The following PRDM5 variants were observed in gnomAD, a reference collection of about 807,000 sequenced individuals.
PRDM5 encodes the protein PR domain zinc finger protein 5.
In PRDM5, 56 loss-of-function variants were observed where a neutral mutation model predicts 81.2. That is an observed-to-expected ratio of 0.69 (90% CI 0.56 to 0.86). PRDM5 has a LOEUF of 0.86. PRDM5 is among the 40% of genes least tolerant of loss of function. The probability of loss-of-function intolerance (pLI) is 0.00; values close to 1 mark genes in which losing one functional copy is unlikely to be tolerated. For missense variants in PRDM5, 697 were observed against 770.1 expected, an observed-to-expected ratio of 0.91 and a Z score of 1.12; for synonymous variants, 267 against 256.4, an observed-to-expected ratio of 1.04 and a Z score of -0.39.
At chr4:120,909,262 T>C (rs1430249145) in intron 1 of PRDM5, among the ~76,000 whole-genome samples, 3 of 152,180 alleles carry the variant, frequency 2.0e-5, no homozygotes, top group African/African-American at 7.2e-5. Flanking sequence ...GACAGCTGCA[T>C]GGTCCACTGC....
rs138869391 is a variant in PRDM5 at position 120,866,973 on chromosome 4, A to G, written c.178-13433T>C. On this transcript the variant is annotated intron_variant, in intron 2 of 15. Transcript: ENST00000264808. ...TTAAAGATATTAAAATGTGTAAAGG[A>G]TTTGACATATTGCTGAGATTGAGGG... Among the ~76,000 whole-genome samples, 15 of 152,284 alleles carry G rather than the reference A, an allele frequency of 9.9e-5. No individual in the cohort carries two copies. The East Asian group carries it at 2.9e-3, about 29-fold the overall frequency.
At chr4:120,701,499 A>G (rs961534217) in intron 15 of PRDM5, among the ~76,000 whole-genome samples, 6 of 152,232 alleles carry the variant, frequency 3.9e-5, no homozygotes, top group African/African-American at 1.4e-4. Flanking sequence ...CTATGCAGCT[A>G]TAAAAAAAGA....
chr4:120,713,263 T>C (rs1737265399), intron 14 of PRDM5, among the ~76,000 whole-genome samples: 1 of 152,224 alleles, frequency 6.6e-6, no homozygotes, highest in South Asian at 2.1e-4. Context: ...TAAAAGCTTT[T>C]TAAAATTAGT....
Position 120,886,489 on chromosome 4 carries a change from T to C in PRDM5, c.177+20985A>G, listed in dbSNP as rs139929224. On this transcript the variant is annotated intron_variant, in intron 2 of 15. Transcript: ENST00000264808. Reference sequence around the variant, plus strand: ...CCAATCTGCTCCTTTAAAGACTATATTTCAGTCAAATCAACATCATCATGA... The same window carrying C: ...CCAATCTGCTCCTTTAAAGACTATACTTCAGTCAAATCAACATCATCATGA... Among the ~76,000 whole-genome samples, 754 of 152,242 alleles carry C rather than the reference T, an allele frequency of 5.0e-3. 6 individuals carry two copies. Among genetic ancestry groups the C allele is most frequent in the African/African-American group, 0.017 (725 of 41,540 alleles).
intron 2 of PRDM5, among the ~76,000 whole-genome samples, chr4:120,872,799 G>C (rs1375046702): frequency 6.6e-6 from 1 of 152,084 alleles, no homozygotes; most frequent in Admixed American, 6.5e-5. Flanking sequence ...GAATTTGAAA[G>C]TAGCATGGTG....
rs1746655918 is a variant in PRDM5 at position 120,768,112 on chromosome 4, C to A, written c.1537+9076G>T. Among the ~76,000 whole-genome samples, 3 of 152,102 alleles carry A rather than the reference C, an allele frequency of 2.0e-5. No homozygotes were observed. The South Asian group carries it at 6.2e-4, about 32-fold the overall frequency. On this transcript the variant is annotated intron_variant, in intron 13 of 15. Transcript: ENST00000264808. ...AAGATCAATCAATAAATAAAAACAT[C>A]ATTTGGCTCTAAAGCATAAAACTTT... is the stretch of plus-strand genomic sequence containing the variant.
intron 2 of PRDM5, among the ~76,000 whole-genome samples, chr4:120,863,134 G>T (rs1406294483): frequency 7.3e-6 from 1 of 137,652 alleles, no homozygotes. Flanking sequence ...CTCCAGCCTG[G>T]GTGACAGAGC....
At position 120,693,727 on chromosome 4, in the gene PRDM5, C is replaced by G. The variant is rs1365031563; in HGVS notation, c.*1384G>C. On this transcript the variant is annotated 3_prime_UTR_variant, in exon 16 of 16. Transcript: ENST00000264808. ...AACCTTTCTCCTTAACTCATTAGAACCAAATAACTTCCTTAAAACTATACT... is the reference window on the plus strand; with the variant it reads ...AACCTTTCTCCTTAACTCATTAGAAGCAAATAACTTCCTTAAAACTATACT... 6.6e-6 allele frequency: 1 copy of G among 152,052 alleles called. No individual in the cohort carries two copies. Among genetic ancestry groups the G allele is most frequent in the African/African-American group, 2.4e-5 (1 of 41,416 alleles). The allele number at this position is 152,052 out of a possible 1,614,324, so 9.4% of individuals were successfully genotyped here.
chr4:120,851,900 A>G (rs529781969), intron 3 of PRDM5, among the ~76,000 whole-genome samples: 13 of 152,238 alleles, frequency 8.5e-5, no homozygotes, highest in South Asian at 8.3e-4. Flanking sequence ...ATTCTCAAAT[A>G]CTGTTCATGT....
chr4:120,771,293 T>G (rs889068956), intron 13 of PRDM5, among the ~76,000 whole-genome samples: 1 of 152,120 alleles, frequency 6.6e-6, no homozygotes, highest in African/African-American at 2.4e-5. Context: ...GTGTAAATAT[T>G]AAAAGCCTAG....
At chr4:120,868,877 A>G (rs1761485596) in intron 2 of PRDM5, among the ~76,000 whole-genome samples, 1 of 152,114 alleles carries the variant, frequency 6.6e-6, no homozygotes, top group African/African-American at 2.4e-5. Flanking sequence ...AGTCTCTTCC[A>G]TACTTATGAA....
At chr4:120,859,709 A>G (rs1396370707) in intron 2 of PRDM5, among the ~76,000 whole-genome samples, 1 of 152,152 alleles carries the variant, frequency 6.6e-6, no homozygotes, top group Non-Finnish European at 1.5e-5. Context: ...GCCAAACTGA[A>G]ACACCTTGCT....
intron 14 of PRDM5, among the ~76,000 whole-genome samples, chr4:120,720,767 A>G (rs954451505): frequency 6.6e-6 from 1 of 152,224 alleles, no homozygotes; most frequent in African/African-American, 2.4e-5. Context: ...ATGGCCTAGT[A>G]AACAATGCAT....
chr4:120,743,115 G>T (rs2149114744), intron 14 of PRDM5, among the ~76,000 whole-genome samples: 1 of 151,948 alleles, frequency 6.6e-6, no homozygotes, highest in African/African-American at 2.4e-5. Context: ...AGAGAGTGGG[G>T]GCCGATATTC....
At chr4:120,787,729 C>A (rs1243066658) in intron 10 of PRDM5, among the ~76,000 whole-genome samples, 1 of 152,106 alleles carries the variant, frequency 6.6e-6, no homozygotes, top group African/African-American at 2.4e-5. Context: ...TAGCCACTAA[C>A]AGATATGCAG....
intron 14 of PRDM5, among the ~76,000 whole-genome samples, chr4:120,731,091 T>C (rs977572802): frequency 1.3e-5 from 2 of 152,172 alleles, no homozygotes; most frequent in Non-Finnish European, 2.9e-5. Flanking sequence ...CTATTTACAC[T>C]TGAATATTGA....
At chr4:120,795,790 G>A (rs143436105) in intron 10 of PRDM5, among the ~76,000 whole-genome samples, 15,385 of 152,108 alleles carry the variant, frequency 0.1, 1,010 homozygotes, top group East Asian at 0.22. Flanking sequence ...GCACATGCCT[G>A]TAGTCCCAGC....
chr4:120,725,269 CA>C (rs1456657262), intron 14 of PRDM5, among the ~76,000 whole-genome samples: 1 of 112,856 alleles, frequency 8.9e-6, no homozygotes, highest in Admixed American at 1.0e-4. Flanking sequence ...ATCTGATATA[CA>C]GTTGTTTTTT....
chr4:120,856,601 T>C (rs1160152570), intron 2 of PRDM5, among the ~76,000 whole-genome samples: 1 of 152,132 alleles, frequency 6.6e-6, no homozygotes, highest in Non-Finnish European at 1.5e-5. Flanking sequence ...TGCTGACATA[T>C]CATCTGAAAG....
Sources: allele counts gnomAD v4.1 joint callset (sites outside exome capture counted in the v4.1 genomes callset), GRCh38; gene constraint gnomAD v4.1.1; transcripts MANE v1.5; gene names NCBI Gene and HGNC (gene_info 2026-07-23, HGNC 2026-07-21).